Variants in PSMD14 observed in about 807,000 individuals in gnomAD.
PSMD14 encodes ubiquitin C-terminal hydrolase PSMD14.
Under a neutral mutation model 41.2 loss-of-function variants are expected in PSMD14, and 7 were observed. That is an observed-to-expected ratio of 0.17 (90% CI 0.10 to 0.32). PSMD14 has a LOEUF of 0.32. PSMD14 is among the 10% of genes least tolerant of loss of function. PSMD14 has a pLI of 1.00. For synonymous variants in PSMD14, 114 were observed against 122.3 expected (o/e 0.93, Z 0.45); for missense variants, 139 against 375.6 (o/e 0.37, Z 5.21).
At chr2:161,318,261 T>C (rs1689167285) in intron 2 of PSMD14, among the ~76,000 whole-genome samples, 1 of 152,198 alleles carries the variant, frequency 6.6e-6, no homozygotes, top group South Asian at 2.1e-4. Context: ...GTATTTCTTT[T>C]AGTATAATGA....
chr2:161,325,851 T>C (rs931491359), intron 3 of PSMD14, among the ~76,000 whole-genome samples: 12 of 152,062 alleles, frequency 7.9e-5, no homozygotes, highest in Non-Finnish European at 1.5e-4. Flanking sequence ...TCCATCAATA[T>C]ATGGGAACTT....
chr2:161,367,424 T>G, intron 3 of PSMD14, 54 bp from the exon 4 acceptor site: 1 of 1,410,148 alleles, frequency 7.1e-7, no homozygotes, highest in Admixed American at 2.1e-5. Context: ...ACTTGAATTT[T>G]AAACTCATAA....
At chr2:161,407,279 G>A (rs142887426) in intron 10 of PSMD14, among the ~76,000 whole-genome samples, 1 of 152,054 alleles carries the variant, frequency 6.6e-6, no homozygotes. Flanking sequence ...TCCCAGTTAG[G>A]AAATACTTTT....
At position 161,371,027 on chromosome 2, in the gene PSMD14, T is replaced by C. The variant is rs575710835; in HGVS notation, c.312-145T>C. ...GTTTTCTGGATAATATGGTGTACAA[T>C]TTCAGGGTTTCTAATGGTGCTTTTT... is the stretch of plus-strand genomic sequence containing the variant. On this transcript the variant is annotated intron_variant, in intron 6 of 11. Transcript: ENST00000409682. 4.0e-5 allele frequency: 34 copies of C among 851,946 alleles called. 1 individual carries two copies. In the South Asian group the frequency reaches 6.7e-4, roughly 17 times the overall value. 52.8% of individuals were successfully genotyped at this position (851,946 alleles called of 1,614,324 possible).
intron 9 of PSMD14, among the ~76,000 whole-genome samples, chr2:161,393,214 T>G (rs1011347288): frequency 1.4e-4 from 22 of 152,188 alleles, no homozygotes; most frequent in Admixed American, 7.9e-4. Context: ...TGTTTGCTTT[T>G]GAAGTGGTAG....
intron 3 of PSMD14, chr2:161,341,068 C>G: frequency 6.4e-7 from 1 of 1,557,126 alleles, no homozygotes; most frequent in Non-Finnish European, 8.7e-7. Flanking sequence ...CCCGGTCCCG[C>G]AGGCTCCCCG....
intron 3 of PSMD14, chr2:161,341,147 G>T: frequency 9.5e-6 from 11 of 1,156,640 alleles, no homozygotes; most frequent in Non-Finnish European, 1.2e-5. Flanking sequence ...GCTCGGGGGC[G>T]CAGGGGCGGG....
At chr2:161,359,913 A>G (rs1683265859) in intron 3 of PSMD14, among the ~76,000 whole-genome samples, 1 of 152,196 alleles carries the variant, frequency 6.6e-6, no homozygotes, top group African/African-American at 2.4e-5. Flanking sequence ...ATGTAGATGT[A>G]TATTTGATTA....
At chr2:161,317,055 G>A (rs935547052) in intron 2 of PSMD14, among the ~76,000 whole-genome samples, 1 of 152,050 alleles carries the variant, frequency 6.6e-6, no homozygotes, top group Admixed American at 6.6e-5. Flanking sequence ...AGGTTGAAAT[G>A]GTCCAAAAGA....
intron 10 of PSMD14, among the ~76,000 whole-genome samples, chr2:161,403,942 C>G (rs999116542): frequency 6.6e-6 from 1 of 151,614 alleles, no homozygotes; most frequent in South Asian, 2.1e-4. Flanking sequence ...AGGTCTTGCT[C>G]TGTTGCCTAG....
intron 3 of PSMD14, among the ~76,000 whole-genome samples, chr2:161,320,760 C>G (rs565564530): frequency 6.6e-6 from 1 of 152,082 alleles, no homozygotes; most frequent in African/African-American, 2.4e-5. Context: ...GAGTCTCACT[C>G]TGTCGCCCAG....
chr2:161,321,454 A>T (rs1327711849), intron 3 of PSMD14, among the ~76,000 whole-genome samples: 1 of 152,190 alleles, frequency 6.6e-6, no homozygotes, highest in East Asian at 1.9e-4. Flanking sequence ...TCAGTGTCCA[A>T]ACAGTTGCTA....
chr2:161,324,647 T>G (rs1682667645), intron 3 of PSMD14, among the ~76,000 whole-genome samples: 3 of 151,512 alleles, frequency 2.0e-5, no homozygotes, highest in African/African-American at 7.3e-5. Flanking sequence ...TTTTTTTTTT[T>G]GAAGTATGAA....
intron 3 of PSMD14, chr2:161,341,294 C>T: frequency 9.8e-7 from 1 of 1,020,580 alleles, no homozygotes. Flanking sequence ...CCAGCGCAGG[C>T]AGCGCGGCCA....
intron 10 of PSMD14, among the ~76,000 whole-genome samples, chr2:161,405,734 T>C (rs1683939521): frequency 1.3e-5 from 2 of 152,196 alleles, no homozygotes; most frequent in Non-Finnish European, 2.9e-5. Flanking sequence ...GAAAAATTAG[T>C]ATATGCCATT....
rs142329793 is a variant in PSMD14 at position 161,392,040 on chromosome 2, C to T, written c.645+862C>T. On this transcript the variant is annotated intron_variant, in intron 9 of 11. Transcript: ENST00000409682. ...GTTTTCAAGTTTGATTAGTTTTTAA[C>T]ATTACCTGACGTTTTGATGAATTAG... is the stretch of plus-strand genomic sequence containing the variant. Among the ~76,000 whole-genome samples the T allele has an allele frequency of 7.7e-4, 118 of 152,278 alleles. 3 individuals carry two copies. The East Asian group carries it at 0.021, about 28-fold the overall frequency.
At chr2:161,336,010 T>C (rs951332237) in intron 3 of PSMD14, among the ~76,000 whole-genome samples, 17 of 152,258 alleles carry the variant, frequency 1.1e-4, no homozygotes, top group African/African-American at 4.1e-4. Context: ...CTACTATTAC[T>C]TGTTTTATTA....
intron 7 of PSMD14, chr2:161,383,280 A>T (rs1351527187): frequency 3.3e-5 from 5 of 152,068 alleles, no homozygotes; most frequent in Non-Finnish European, 7.4e-5. Flanking sequence ...GTTGTTGAAC[A>T]TGTTAGTTTC....
chr2:161,344,564 G>C (rs1404967242), intron 3 of PSMD14, among the ~76,000 whole-genome samples: 1 of 152,146 alleles, frequency 6.6e-6, no homozygotes, highest in African/African-American at 2.4e-5. Flanking sequence ...GTTTTTCACA[G>C]CGAATGATTA....
Sources: allele counts gnomAD v4.1 joint callset (sites outside exome capture counted in the v4.1 genomes callset), GRCh38; gene constraint gnomAD v4.1.1; transcripts MANE v1.5; gene names NCBI Gene and HGNC (gene_info 2026-07-23, HGNC 2026-07-21).